Variants in ERBB4 observed in about 807,000 individuals in gnomAD.
ERBB4 encodes the protein receptor tyrosine-protein kinase erbB-4.
A neutral mutation model predicts 158.0 loss-of-function variants in ERBB4; 42 were observed. That is an observed-to-expected ratio of 0.27 (90% CI 0.21 to 0.34). ERBB4 has a LOEUF of 0.34. ERBB4 is among the 10% of genes least tolerant of loss of function. ERBB4 has a pLI of 1.00. For synonymous variants in ERBB4, 583 were observed against 558.7 expected (o/e 1.04, Z -0.61); for missense variants, 1,333 against 1,624.1 (o/e 0.82, Z 3.08).
chr2:212,196,293 T>G (rs2082424609), intron 1 of ERBB4, among the ~76,000 whole-genome samples: 1 of 152,078 alleles, frequency 6.6e-6, no homozygotes, highest in Admixed American at 6.6e-5. Context: ...AGATAAAATA[T>G]ATTTACTATA....
intron 4 of ERBB4, among the ~76,000 whole-genome samples, chr2:211,785,988 T>C (rs530440959): frequency 6.6e-6 from 1 of 152,254 alleles, no homozygotes; most frequent in South Asian, 2.1e-4. Context: ...GTCCATTGCC[T>C]CAAAAAATAT....
At chr2:211,867,912 T>C (rs1172222398) in intron 3 of ERBB4, among the ~76,000 whole-genome samples, 1 of 152,216 alleles carries the variant, frequency 6.6e-6, no homozygotes, top group African/African-American at 2.4e-5. Flanking sequence ...CTTTAACTGC[T>C]TTCCTCTGGG....
intron 20 of ERBB4, among the ~76,000 whole-genome samples, chr2:211,552,141 T>A (rs1206513616): frequency 6.6e-6 from 1 of 151,894 alleles, no homozygotes; most frequent in African/African-American, 2.4e-5. Context: ...ACAAAAATAA[T>A]CAGGTTTTAT....
chr2:212,086,860 G>A (rs1429031154), intron 2 of ERBB4, among the ~76,000 whole-genome samples: 1 of 151,940 alleles, frequency 6.6e-6, no homozygotes, highest in Non-Finnish European at 1.5e-5. Flanking sequence ...ATGGGTAGGA[G>A]AACACCTTTT....
In ERBB4 at chr2:212,409,782, CTGAA is replaced by C. The variant is rs559240458; in HGVS notation, c.82+128663_82+128666del. On this transcript the variant is annotated intron_variant, in intron 1 of 27. Transcript: ENST00000342788. Reference sequence around the variant, plus strand: ...CAGTCTCCAACAGGATGATAAAAGACTGAATGATTCAATGAAAATGTTGATCATT... The same window carrying C: ...CAGTCTCCAACAGGATGATAAAAGACTGATTCAATGAAAATGTTGATCATT... 1.6e-3 allele frequency among the ~76,000 whole-genome samples: 237 copies of C among 152,162 alleles called. 2 individuals carry two copies. Among genetic ancestry groups the C allele is most frequent in the Non-Finnish European group, 2.7e-3 (185 of 67,944 alleles).
chr2:212,231,360 T>A (rs1027873460), intron 1 of ERBB4, among the ~76,000 whole-genome samples: 1 of 152,200 alleles, frequency 6.6e-6, no homozygotes, highest in Non-Finnish European at 1.5e-5. Context: ...TTGTCTGGAC[T>A]CCTGATGGGC....
chr2:211,989,200 G>T (rs577952410), intron 2 of ERBB4, among the ~76,000 whole-genome samples: 6 of 151,872 alleles, frequency 4.0e-5, no homozygotes, highest in Non-Finnish European at 8.8e-5. Flanking sequence ...TGTTAACATT[G>T]TTGAAGTCCC....
At chr2:211,983,068 C>T (rs905057877) in intron 2 of ERBB4, among the ~76,000 whole-genome samples, 6 of 152,098 alleles carry the variant, frequency 3.9e-5, no homozygotes, top group Non-Finnish European at 8.8e-5. Context: ...TCAATTTTAT[C>T]TCAGGAGCAA....
intron 1 of ERBB4, among the ~76,000 whole-genome samples, chr2:212,156,212 G>A (rs1028887365): frequency 2.0e-5 from 3 of 152,044 alleles, no homozygotes; most frequent in Non-Finnish European, 2.9e-5. Context: ...CATATATGTG[G>A]GAGCGTAAAG....
chr2:211,501,070 C>T (rs1212611339), intron 20 of ERBB4, among the ~76,000 whole-genome samples: 1 of 151,680 alleles, frequency 6.6e-6, no homozygotes, highest in Admixed American at 6.6e-5. Flanking sequence ...AGTTAATTTA[C>T]AAGAGGCTGA....
intron 20 of ERBB4, among the ~76,000 whole-genome samples, chr2:211,485,712 G>A (rs1350184353): frequency 7.4e-6 from 1 of 134,860 alleles, no homozygotes. Context: ...ACTCAGTGGG[G>A]TGGGGGGAGG....
chr2:212,100,534 C>A (rs2079053458), intron 2 of ERBB4, among the ~76,000 whole-genome samples: 1 of 152,156 alleles, frequency 6.6e-6, no homozygotes, highest in East Asian at 1.9e-4. Context: ...GTTGTTTTAA[C>A]AGAACTACAG....
In ERBB4 at chr2:211,852,764, G is replaced by A. The variant is rs187691013; in HGVS notation, c.422-64605C>T. On this transcript the variant is annotated intron_variant, in intron 3 of 27. Transcript: ENST00000342788. ...GTCTAAATATGTGGGAAAAGAAGAT[G>A]TTTCATGTTTGTCCTTTGGGCTCCT... Among the ~76,000 whole-genome samples the A allele has an allele frequency of 2.0e-5, 3 of 150,686 alleles. No homozygotes were observed. In the East Asian group the frequency reaches 5.9e-4, roughly 30 times the overall value.
At chr2:211,784,886 T>A (rs2076120301) in intron 4 of ERBB4, among the ~76,000 whole-genome samples, 1 of 152,192 alleles carries the variant, frequency 6.6e-6, no homozygotes, top group Non-Finnish European at 1.5e-5. Context: ...TTTATATGCT[T>A]GTTGGCCCTT....
chr2:211,435,637 G>A (rs2063833226), intron 20 of ERBB4, among the ~76,000 whole-genome samples: 1 of 152,158 alleles, frequency 6.6e-6, no homozygotes. Flanking sequence ...CTCGTAGGAG[G>A]CTGAACCCAG....
At chr2:211,483,438 G>A (rs2065131946) in intron 20 of ERBB4, among the ~76,000 whole-genome samples, 1 of 152,132 alleles carries the variant, frequency 6.6e-6, no homozygotes, top group African/African-American at 2.4e-5. Flanking sequence ...AAGTAATAAA[G>A]ACAAAAATCA....
At chr2:211,779,880 T>C (rs1404933201) in intron 4 of ERBB4, 1 of 152,116 alleles carries the variant, frequency 6.6e-6, no homozygotes, top group African/African-American at 2.4e-5. Context: ...TTTGTCAGAG[T>C]TAATTTATAG....
chr2:212,137,664 ATT>A (rs1182517352), intron 1 of ERBB4, among the ~76,000 whole-genome samples: 5 of 152,200 alleles, frequency 3.3e-5, no homozygotes, highest in African/African-American at 1.2e-4. Context: ...TAACAGAATG[ATT>A]TATATTCCTC....
At chr2:211,502,800 T>C (rs1456504690) in intron 20 of ERBB4, among the ~76,000 whole-genome samples, 4 of 152,162 alleles carry the variant, frequency 2.6e-5, no homozygotes, top group Non-Finnish European at 5.9e-5. Flanking sequence ...TTGGAGTTTC[T>C]CAGGCATATT....
Sources: gnomAD v4.1 joint callset for allele counts (sites outside exome capture counted in the v4.1 genomes callset) on GRCh38, gnomAD v4.1.1 for gene constraint, MANE v1.5 for transcripts, NCBI Gene and HGNC (gene_info 2026-07-23, HGNC 2026-07-21) for gene names.